CELSR1: variants seen among roughly 807,000 people sequenced by gnomAD.
CELSR1 encodes the protein adhesion G protein-coupled receptor C1.
A neutral mutation model predicts 249.1 loss-of-function variants in CELSR1; 110 were observed. The observed-to-expected ratio is 0.44, with a 90% CI of 0.38 to 0.52. CELSR1 has a LOEUF of 0.52. CELSR1 is among the 20% of genes least tolerant of loss of function. The pLI is 0.00. For missense variants in CELSR1, 4,109 were observed against 4,296.4 expected (o/e 0.96, Z 1.22); for synonymous variants, 2,113 against 1,900.0 (o/e 1.11, Z -2.92).
In CELSR1 at chr22:46,381,726, G is replaced by C; in HGVS notation, c.7088+120C>G. ...GCAATGGTCTCTGTCTCTGGGCCAG[G>C]GTCACGGTGAAATGTCACTGTGAAG... On this transcript the variant is annotated intron_variant, in intron 21 of 34. Transcript: ENST00000674500. This position sits in a 1 kb window ranked among gnomAD's most constrained non-coding sequence, Gnocchi z 6.0. 1.1e-6 allele frequency: 1 copy of C among 940,128 alleles called. No homozygotes were observed. The highest frequency in any genetic ancestry group is 1.7e-5 in the South Asian group (1 of 60,554). 58.2% of individuals were successfully genotyped at this position (940,128 alleles called of 1,614,324 possible).
intron 5 of CELSR1, among the ~76,000 whole-genome samples, chr22:46,426,801 C>T (rs186438927): frequency 7.4e-4 from 112 of 152,284 alleles, no homozygotes; most frequent in African/African-American, 2.2e-3. Context: ...TGCATTCTTC[C>T]GCCATGTGAG....
At chr22:46,510,659 T>C (rs964241684) in intron 1 of CELSR1, among the ~76,000 whole-genome samples, 5 of 152,210 alleles carry the variant, frequency 3.3e-5, no homozygotes, top group East Asian at 1.9e-4. Flanking sequence ...AAAAGGCCCC[T>C]GGGCTTGGGT....
rs1045564220 is a variant in CELSR1, at chr22:46,428,258, T to G, written c.4611+5135A>C. 4.6e-5 allele frequency among the ~76,000 whole-genome samples: 7 copies of G among 152,152 alleles called. No individual in the cohort carries two copies. The highest frequency in any genetic ancestry group is 7.2e-5 in the African/African-American group (3 of 41,416). On this transcript the variant is annotated intron_variant, in intron 5 of 34. Transcript: ENST00000674500. The surrounding 1 kb of genome is among the most constrained non-coding windows in gnomAD (Gnocchi z 5.7). Reference sequence around the variant, plus strand: ...TCACCAGAACCAGAGGAAGCCAAATTGCCGAGGCAGAGTCCCAAGGACTCC... The same window carrying G: ...TCACCAGAACCAGAGGAAGCCAAATGGCCGAGGCAGAGTCCCAAGGACTCC...
In CELSR1 at chr22:46,396,594, G is replaced by A. The variant is rs757945503; in HGVS notation, c.5843+11C>T. ...CTGAAGGTGCAGGGAGGCACCAGGG[G>A]CTGCTCTTACTTGTTCTCACAGTAC... On this transcript the variant is annotated intron_variant, in intron 13 of 34. Transcript: ENST00000674500. This position sits in a 1 kb window ranked among gnomAD's most constrained non-coding sequence, Gnocchi z 6.4. 9 of 1,553,152 alleles carry A rather than the reference G, an allele frequency of 5.8e-6. No homozygotes were observed. The East Asian group carries it at 2.1e-4, about 36-fold the overall frequency.
intron 1 of CELSR1, among the ~76,000 whole-genome samples, chr22:46,505,615 TG>T (rs1490258804): frequency 6.6e-6 from 1 of 152,124 alleles, no homozygotes. Flanking sequence ...CACTCCAGCT[TG>T]GGTGACAGAG....
Position 46,364,157 on chromosome 22 carries a change from C to T in CELSR1, c.8874G>A (p.Glu2958=), listed in dbSNP as rs917135430. The T allele has an allele frequency of 1.2e-6, 2 of 1,612,394 alleles. No homozygotes were observed. The highest frequency in any genetic ancestry group is 1.3e-5 in the African/African-American group (1 of 75,066). The change falls in exon 34 of 35, where the codon GAG becomes GAA. Residue 2958 remains glutamate (E), a synonymous_variant. Transcript: ENST00000674500. ...GRLREKLADC[E]QSPTSSRTSS... ...ACGTGCGCGAGGATGTGGGGCTCTG[C>T]TCACAGTCGGCCAGCTTCTCCCGGA...
Position 46,512,429 on chromosome 22 carries a change from C to T in CELSR1, c.3544+21198G>A, listed in dbSNP as rs940717235. Among the ~76,000 whole-genome samples the T allele has an allele frequency of 6.6e-6, 1 of 152,052 alleles. No homozygotes were observed. The highest frequency in any genetic ancestry group is 2.4e-5 in the African/African-American group (1 of 41,394). On this transcript the variant is annotated intron_variant, in intron 1 of 34. Transcript: ENST00000674500. The surrounding 1 kb of genome is among the most constrained non-coding windows in gnomAD (Gnocchi z 5.2). ...CTACTAAAATACAAAAAAATTAGCCCGGTGTGGTGGTGTACACCTATAATC... is the reference window on the plus strand; with the variant it reads ...CTACTAAAATACAAAAAAATTAGCCTGGTGTGGTGGTGTACACCTATAATC...
At chr22:46,483,129 C>A (rs2080282321) in intron 1 of CELSR1, among the ~76,000 whole-genome samples, 1 of 152,180 alleles carries the variant, frequency 6.6e-6, no homozygotes. Flanking sequence ...TAGCAAGGAT[C>A]ATTCAAAATC....
At chr22:46,366,337 C>T (rs1401896101) in intron 30 of CELSR1, 49 bp downstream of exon 30, 2 of 1,371,850 alleles carry the variant, frequency 1.5e-6, no homozygotes, top group Admixed American at 4.9e-5. Flanking sequence ...GGGGCAAAAC[C>T]TGAGGGAGTT....
In CELSR1 at chr22:46,423,560, G is replaced by C. The variant is rs1316756469; in HGVS notation, c.4611+9833C>G. ...GCAGAGGTTGCGGTGAGCCGAGATCGCGCCTTTACACTCCAGCCTGGGCAA... is the reference window on the plus strand; with the variant it reads ...GCAGAGGTTGCGGTGAGCCGAGATCCCGCCTTTACACTCCAGCCTGGGCAA... On this transcript the variant is annotated intron_variant, in intron 5 of 34. Transcript: ENST00000674500. The surrounding 1 kb of genome is among the most constrained non-coding windows in gnomAD (Gnocchi z 5.6). 6.8e-6 allele frequency among the ~76,000 whole-genome samples: 1 copy of C among 147,904 alleles called. No homozygotes were observed. The highest frequency in any genetic ancestry group is 1.5e-5 in the Non-Finnish European group (1 of 67,470).
Position 46,389,518 on chromosome 22 carries a change from C to T in CELSR1, c.6346-19G>A, listed in dbSNP as rs752945215. 19 of 1,612,222 alleles carry T rather than the reference C, an allele frequency of 1.2e-5. No individual in the cohort carries two copies. Among genetic ancestry groups the T allele is most frequent in the Admixed American group, 1.2e-4 (7 of 59,982 alleles). ...TCTCATTCTGGAACAGGGAGGCAGT[C>T]GTGATGTGTGCAAACCCACTTCGGC... On this transcript the variant is annotated intron_variant, in intron 17 of 34. Transcript: ENST00000674500.
rs1019459676 is a variant in CELSR1, at chr22:46,484,762, T to G, written c.3545-20417A>C. Reference sequence around the variant, plus strand: ...GGAGGTCCGGCTGCTGCCTGAGGTCTCCAAACACTACCGAAGCCCACCTCC... The same window carrying G: ...GGAGGTCCGGCTGCTGCCTGAGGTCGCCAAACACTACCGAAGCCCACCTCC... On this transcript the variant is annotated intron_variant, in intron 1 of 34. Transcript: ENST00000674500. The surrounding 1 kb of genome is among the most constrained non-coding windows in gnomAD (Gnocchi z 4.5). 1.4e-5 allele frequency among the ~76,000 whole-genome samples: 2 copies of G among 143,336 alleles called. No individual in the cohort carries two copies. The highest frequency in any genetic ancestry group is 3.0e-5 in the Non-Finnish European group (2 of 66,278). The allele number at this position is 143,336 out of a possible 152,430, so 94.0% of individuals were successfully genotyped here.
intron 20 of CELSR1, among the ~76,000 whole-genome samples, chr22:46,383,646 C>A (rs1361288506): frequency 6.6e-6 from 1 of 152,196 alleles, no homozygotes; most frequent in East Asian, 1.9e-4. Context: ...CCCGCCTCAG[C>A]CTCCTGAGTA....
At chr22:46,387,529 T>C (rs189102528) in intron 18 of CELSR1, among the ~76,000 whole-genome samples, 1 of 146,874 alleles carries the variant, frequency 6.8e-6, no homozygotes, top group East Asian at 1.9e-4. Flanking sequence ...GCTGATTTTT[T>C]TCATATTTTA....
intron 19 of CELSR1, among the ~76,000 whole-genome samples, chr22:46,385,541 G>T (rs903361388): frequency 1.3e-5 from 2 of 152,060 alleles, no homozygotes; most frequent in African/African-American, 4.8e-5. Flanking sequence ...AAGCCCTGCC[G>T]GACCCCCAAG....
intron 2 of CELSR1, among the ~76,000 whole-genome samples, chr22:46,443,437 G>C (rs909858): frequency 0.43 from 65,287 of 152,036 alleles, 14,379 homozygotes; most frequent in African/African-American, 0.49. Context: ...AGAGAGGAGC[G>C]AGCCCTAGAC....
At position 46,430,069 on chromosome 22, in the gene CELSR1, C is replaced by A. The variant is rs1468392644; in HGVS notation, c.4611+3324G>T. On this transcript the variant is annotated intron_variant, in intron 5 of 34. Transcript: ENST00000674500. The surrounding 1 kb of genome is among the most constrained non-coding windows in gnomAD (Gnocchi z 4.6). ...GTGGGGGAAGGGTCCCCGCAGGTTG[C>A]ACGTGGAGGCAGTGCAGGAGGCCAC... 2.0e-5 allele frequency among the ~76,000 whole-genome samples: 3 copies of A among 152,222 alleles called. No individual in the cohort carries two copies. Among genetic ancestry groups the A allele is most frequent in the African/African-American group, 7.2e-5 (3 of 41,470 alleles).
chr22:46,474,270 G>C, intron 1 of CELSR1, among the ~76,000 whole-genome samples: 1 of 152,156 alleles, frequency 6.6e-6, no homozygotes, highest in Admixed American at 6.5e-5. Flanking sequence ...AGAAGGAGGA[G>C]CCCTCCTGAC....
At chr22:46,425,722 C>T (rs1156712909) in intron 5 of CELSR1, among the ~76,000 whole-genome samples, 4 of 151,760 alleles carry the variant, frequency 2.6e-5, no homozygotes, top group Admixed American at 6.6e-5. Context: ...CTTAAAGAAT[C>T]GGCTCTTTGT....
Sources: gnomAD v4.1 joint callset for allele counts (sites outside exome capture counted in the v4.1 genomes callset) on GRCh38, gnomAD v4.1.1 for gene constraint, Gnocchi (gnomAD v3.1) non-coding constraint, MANE v1.5 for transcripts, NCBI Gene and HGNC (gene_info 2026-07-23, HGNC 2026-07-21) for gene names.